Variants in TASP1 observed in about 807,000 individuals in gnomAD.
TASP1 encodes the protein taspase 1.
A neutral mutation model predicts 56.6 loss-of-function variants in TASP1; 16 were observed. The observed-to-expected ratio is 0.28, with a 90% confidence interval of 0.19 to 0.43. The LOEUF (loss-of-function observed/expected upper bound fraction) is 0.43, where lower values mean the gene tolerates loss of function less well. TASP1 is among the 20% of genes least tolerant of loss of function. TASP1 has a pLI of 1.00. For missense variants in TASP1, 393 were observed against 511.6 expected, an observed-to-expected ratio of 0.77 and a Z score of 2.24; for synonymous variants, 179 against 184.2, an observed-to-expected ratio of 0.97 and a Z score of 0.23.
the TASP1 span, chr20:13,299,246 C>T: frequency 3.7e-6 from 6 of 1,604,116 alleles, no homozygotes; most frequent in East Asian, 1.1e-4. The surrounding 1 kb of genome is among the most constrained non-coding windows in gnomAD (Gnocchi z 5.8). Context: ...TGCAGCTCAT[C>T]ACCAGGGGCA....
intron 10 of TASP1, among the ~76,000 whole-genome samples, chr20:13,497,688 A>G (rs1380066073): frequency 1.3e-5 from 2 of 152,206 alleles, no homozygotes; most frequent in Non-Finnish European, 2.9e-5. Context: ...GGCAATCCTA[A>G]GCAAAAAGAA....
At chr20:13,209,532 A>G in the TASP1 span, among the ~76,000 whole-genome samples, 4 of 152,192 alleles carry the variant, frequency 2.6e-5, no homozygotes, top group African/African-American at 7.2e-5. Context: ...CTTCCATTAT[A>G]TTGACTTCTT....
intron 11 of TASP1, among the ~76,000 whole-genome samples, chr20:13,445,551 G>A (rs901259954): frequency 6.6e-6 from 1 of 152,130 alleles, no homozygotes; most frequent in Middle Eastern, 3.2e-3. Flanking sequence ...CTGACCAAGG[G>A]AGCAAGCGGG....
At chr20:13,269,559 G>A in the TASP1 span, among the ~76,000 whole-genome samples, 1 of 152,146 alleles carries the variant, frequency 6.6e-6, no homozygotes, top group African/African-American at 2.4e-5. Flanking sequence ...AACCAGCCAA[G>A]CTCATTCCCA....
chr20:13,406,692 A>G (rs1462544244), intron 13 of TASP1, among the ~76,000 whole-genome samples: 1 of 137,254 alleles, frequency 7.3e-6, no homozygotes, highest in East Asian at 2.1e-4. Flanking sequence ...TTTTTGAGAC[A>G]GTCTCACTCT....
chr20:13,476,941 G>A (rs936415511), intron 11 of TASP1, among the ~76,000 whole-genome samples: 4 of 152,048 alleles, frequency 2.6e-5, no homozygotes, highest in African/African-American at 9.7e-5. Context: ...AAAGATTTTA[G>A]TGTTTGAAAA....
chr20:13,383,214 G>A, the TASP1 span, among the ~76,000 whole-genome samples: 46 of 152,182 alleles, frequency 3.0e-4, no homozygotes, highest in African/African-American at 1.0e-3. Context: ...ACTCCTTTTG[G>A]CTGCCAGTGC....
the TASP1 span, among the ~76,000 whole-genome samples, chr20:13,260,781 T>A: frequency 6.6e-6 from 1 of 152,160 alleles, no homozygotes; most frequent in African/African-American, 2.4e-5. Context: ...TCAGCTTTTG[T>A]TGTGTAACAA....
At chr20:13,568,913 A>C (rs2046622037) in intron 7 of TASP1, among the ~76,000 whole-genome samples, 1 of 152,098 alleles carries the variant, frequency 6.6e-6, no homozygotes, top group African/African-American at 2.4e-5. Context: ...TTTAACATGT[A>C]CTCATTTTAA....
Position 13,598,851 on chromosome 20 carries a change from T to C in TASP1, c.283-11481A>G, listed in dbSNP as rs1027137253. Reference sequence around the variant, plus strand: ...ATAAATTTACAAGAAAAAAACCCCATCAAAAAGTAGGCAAAGGATATGAAC... The same window carrying C: ...ATAAATTTACAAGAAAAAAACCCCACCAAAAAGTAGGCAAAGGATATGAAC... On this transcript the variant is annotated intron_variant, in intron 4 of 13. Transcript: ENST00000337743. Among the ~76,000 whole-genome samples the C allele has an allele frequency of 2.0e-5, 3 of 151,742 alleles. No individual in the cohort carries two copies. In the South Asian group the frequency reaches 6.3e-4, roughly 32 times the overall value.
intron 4 of TASP1, 149 bp from the exon 5 acceptor site, chr20:13,587,519 G>T: frequency 1.7e-6 from 1 of 602,734 alleles, no homozygotes; most frequent in Non-Finnish European, 2.8e-6. Context: ...GTTAAAACAT[G>T]ACAAAGATAT....
At chr20:13,592,534 T>C (rs1446884445) in intron 4 of TASP1, among the ~76,000 whole-genome samples, 1 of 152,164 alleles carries the variant, frequency 6.6e-6, no homozygotes, top group Non-Finnish European at 1.5e-5. Flanking sequence ...TTAGGAGATA[T>C]TACCAAAAAT....
intron 8 of TASP1, among the ~76,000 whole-genome samples, chr20:13,539,757 A>G (rs2146936742): frequency 6.6e-6 from 1 of 152,354 alleles, no homozygotes; most frequent in East Asian, 1.9e-4. Context: ...CAAAGATAGC[A>G]AAGGACGATG....
At chr20:13,492,121 C>G (rs368834042) in intron 10 of TASP1, among the ~76,000 whole-genome samples, 1 of 152,134 alleles carries the variant, frequency 6.6e-6, no homozygotes, top group Non-Finnish European at 1.5e-5. Flanking sequence ...AGCACAGGCT[C>G]GACAGCAACA....
the TASP1 span, among the ~76,000 whole-genome samples, chr20:13,110,686 C>T: frequency 6.6e-6 from 1 of 152,026 alleles, no homozygotes; most frequent in Non-Finnish European, 1.5e-5. Flanking sequence ...AAAAGATCTG[C>T]CTGTTTTCCC....
intron 8 of TASP1, among the ~76,000 whole-genome samples, chr20:13,534,484 G>A (rs2045341659): frequency 6.6e-6 from 1 of 152,132 alleles, no homozygotes; most frequent in Non-Finnish European, 1.5e-5. Flanking sequence ...GTTCATGTTT[G>A]AGAATGTGTA....
the TASP1 span, among the ~76,000 whole-genome samples, chr20:13,317,554 A>C: frequency 6.6e-6 from 1 of 152,116 alleles, no homozygotes; most frequent in Non-Finnish European, 1.5e-5. Flanking sequence ...ATATAAAGCT[A>C]CAGTAATCAA....
intron 5 of TASP1, 76 bp from the exon 6 acceptor site, chr20:13,581,057 T>C (rs915729748): frequency 1.4e-6 from 2 of 1,399,870 alleles, no homozygotes; most frequent in Non-Finnish European, 2.0e-6. Context: ...TTTGCAGTTG[T>C]TTCAATAAAA....
chr20:13,278,330 G>T, the TASP1 span, among the ~76,000 whole-genome samples: 1 of 152,178 alleles, frequency 6.6e-6, no homozygotes, highest in East Asian at 1.9e-4. Context: ...TGACCCTAAG[G>T]GTTAGTTGAG....
Sources: gnomAD v4.1 joint callset for allele counts (sites outside exome capture counted in the v4.1 genomes callset) on GRCh38, gnomAD v4.1.1 for gene constraint, Gnocchi (gnomAD v3.1) non-coding constraint, MANE v1.5 for transcripts, NCBI Gene and HGNC (gene_info 2026-07-23, HGNC 2026-07-21) for gene names.